Variants in DMRT1 observed in about 807,000 individuals in gnomAD.
DMRT1 encodes the protein doublesex and mab-3 related transcription factor 1.
A neutral mutation model predicts 32.3 loss-of-function variants in DMRT1; 7 were observed. The ratio of observed to expected loss-of-function variants is 0.22; its 90% CI spans 0.12 to 0.41. DMRT1 has a LOEUF of 0.41. DMRT1 is among the 10% of genes least tolerant of loss of function. DMRT1 has a pLI of 1.00. For missense variants in DMRT1, 625 were observed against 500.5 expected (o/e 1.25, Z -2.37); for synonymous variants, 278 against 206.1 (o/e 1.35, Z -2.99).
intron 2 of DMRT1, among the ~76,000 whole-genome samples, chr9:855,161 A>G (rs963727641): frequency 1.3e-5 from 2 of 152,044 alleles, no homozygotes; most frequent in Admixed American, 1.3e-4. Context: ...ATAGCAGTTT[A>G]ATTGGTCAGA....
At chr9:924,427 C>A (rs904556811) in intron 4 of DMRT1, among the ~76,000 whole-genome samples, 2 of 152,144 alleles carry the variant, frequency 1.3e-5, no homozygotes. Flanking sequence ...AATAATAACA[C>A]ATGTATCTAT....
chr9:888,964 T>TAA (rs60836064), intron 2 of DMRT1, among the ~76,000 whole-genome samples: 8 of 137,038 alleles, frequency 5.8e-5, no homozygotes, highest in African/African-American at 1.9e-4. Context: ...CCATCTGTAT[T>TAA]AAAAAAAAAA....
At chr9:949,364 C>CTTG (rs35845048) in intron 4 of DMRT1, among the ~76,000 whole-genome samples, 2 of 151,152 alleles carry the variant, frequency 1.3e-5, no homozygotes, top group South Asian at 2.1e-4. Flanking sequence ...GACCCTCTCT[C>CTTG]GGGGAAAAAA....
chr9:966,604 C>T (rs78595246), intron 4 of DMRT1, among the ~76,000 whole-genome samples: 3,747 of 152,254 alleles, frequency 0.025, 146 homozygotes, highest in African/African-American at 0.085. Flanking sequence ...AGAAGGGGGC[C>T]TTCTGAAAGA....
rs997063118 is a variant in DMRT1, at chr9:965,022, A to G, written c.968-2963A>G. Reference sequence around the variant, plus strand: ...GCATCATTTAGATTTTTGAATTTTTAATTGGTATGAAATAATTTACAACGG... The same window carrying G: ...GCATCATTTAGATTTTTGAATTTTTGATTGGTATGAAATAATTTACAACGG... On this transcript the variant is annotated intron_variant, in intron 4 of 4. Transcript: ENST00000382276. This position sits in a 1 kb window ranked among gnomAD's most constrained non-coding sequence, Gnocchi z 4.5. Among the ~76,000 whole-genome samples, 2 of 152,186 alleles carry G rather than the reference A, an allele frequency of 1.3e-5. No homozygotes were observed. Among genetic ancestry groups the G allele is most frequent in the African/African-American group, 2.4e-5 (1 of 41,438 alleles).
chr9:929,683 C>T (rs1258937393), intron 4 of DMRT1, among the ~76,000 whole-genome samples: 1 of 152,104 alleles, frequency 6.6e-6, no homozygotes, highest in African/African-American at 2.4e-5. Flanking sequence ...GAAATTTATA[C>T]TTTTCATGCA....
chr9:911,013 G>T (rs1817955475), intron 3 of DMRT1, among the ~76,000 whole-genome samples: 1 of 152,094 alleles, frequency 6.6e-6, no homozygotes, highest in South Asian at 2.1e-4. Flanking sequence ...TGCCGCTCTT[G>T]TCCCTCAGCA....
At chr9:947,584 C>T (rs1010898358) in intron 4 of DMRT1, among the ~76,000 whole-genome samples, 2 of 152,156 alleles carry the variant, frequency 1.3e-5, no homozygotes, top group African/African-American at 2.4e-5. Context: ...AATTTAAATT[C>T]TGGAAGTTGG....
intron 2 of DMRT1, among the ~76,000 whole-genome samples, chr9:862,820 G>C (rs534598230): frequency 6.6e-6 from 1 of 152,248 alleles, no homozygotes; most frequent in Non-Finnish European, 1.5e-5. Context: ...TTCCTAGTTA[G>C]GTGAGGTTAT....
intron 4 of DMRT1, among the ~76,000 whole-genome samples, chr9:923,563 C>T (rs925513942): frequency 6.6e-6 from 1 of 152,152 alleles, no homozygotes; most frequent in African/African-American, 2.4e-5. Context: ...TCATGACTTT[C>T]CCCCATTTTT....
At chr9:922,585 G>A (rs1407606809) in intron 4 of DMRT1, among the ~76,000 whole-genome samples, 1 of 152,158 alleles carries the variant, frequency 6.6e-6, no homozygotes, top group Non-Finnish European at 1.5e-5. Flanking sequence ...GTGGTTGGTC[G>A]ACACCTGCAA....
At position 841,966 on chromosome 9, in the gene DMRT1, G is replaced by C; in HGVS notation, c.128G>C (p.Ser43Thr). The C allele has an allele frequency of 1.9e-6, 3 of 1,586,934 alleles. No individual in the cohort carries two copies. Among genetic ancestry groups the C allele is most frequent in the Non-Finnish European group, 2.6e-6 (3 of 1,167,388 alleles). Residue 43 changes from serine to threonine, a missense_variant, in exon 1 of 5, where the codon AGC (serine) becomes ACC (threonine). Physicochemically the swap from Ser to Thr is moderately conservative, Grantham distance 58. This residue lies in a region of DMRT1 where 201 missense variants were observed against 152.0 expected (regional missense o/e 1.32). Coordinates refer to ENST00000382276, the MANE Select transcript of DMRT1 (RefSeq NM_021951.3). ...TCTGGGGCGCTAGTGGGGGCGGCCA[G>C]CGGCTCGAGCGCCGGGGGCAGCAGC... ...KASGALVGAA[S>T]GSSAGGSSRG... is the part of the protein sequence containing the mutation.
In DMRT1 at chr9:853,944, C is replaced by T. The variant is rs139272405; in HGVS notation, c.538+6801C>T. Among the ~76,000 whole-genome samples the T allele has an allele frequency of 1.0e-3, 158 of 151,950 alleles. 2 individuals carry two copies. Among genetic ancestry groups the T allele is most frequent in the African/African-American group, 3.5e-3 (143 of 41,440 alleles). On this transcript the variant is annotated intron_variant, in intron 2 of 4. Coordinates refer to ENST00000382276, the MANE Select transcript of DMRT1 (RefSeq NM_021951.3). ...CCGAGCAGTTAGGACTACAGGTGCA[C>T]GCTATCATGCCTGGCTAATTTTTAA...
intron 2 of DMRT1, among the ~76,000 whole-genome samples, chr9:852,276 C>T (rs1815177028): frequency 7.8e-6 from 1 of 128,828 alleles, no homozygotes; most frequent in Admixed American, 8.3e-5. Flanking sequence ...TATTCCCAGC[C>T]ATTTTTGGAG....
chr9:876,727 C>T (rs570494358), intron 2 of DMRT1, among the ~76,000 whole-genome samples: 49 of 152,194 alleles, frequency 3.2e-4, no homozygotes, highest in Middle Eastern at 6.8e-3. Flanking sequence ...GATGGGGTCT[C>T]GCCATGTTGC....
chr9:841,942 C>G lies in DMRT1; in HGVS notation c.104C>G (p.Ser35Cys), dbSNP rs749346905. The stretch of plus-strand genomic sequence containing the variant: ...AGAGCCGGGGGCTTTGGCAAAGCGT[C>G]TGGGGCGCTAGTGGGGGCGGCCAGC... ...QGRAGGFGKASGALVGAASGS... is the reference protein window; with the variant it reads ...QGRAGGFGKACGALVGAASGS... Residue 35 changes from serine (S) to cysteine (C), a missense_variant, in exon 1 of 5, where the codon TCT (serine) becomes TGT (cysteine). By Grantham distance (112) the Ser-to-Cys change is moderately radical. Around this residue, in one of 3 missense-constraint regions of DMRT1, gnomAD observed 201 missense variants for 152.0 expected, o/e 1.32. Transcript: ENST00000382276. 1 of 1,602,804 alleles carries G rather than the reference C, an allele frequency of 6.2e-7. No homozygotes were observed. Among genetic ancestry groups the G allele is most frequent in the East Asian group, 2.2e-5 (1 of 44,542 alleles).
At chr9:875,109 C>G (rs752812325) in intron 2 of DMRT1, among the ~76,000 whole-genome samples, 13 of 152,140 alleles carry the variant, frequency 8.5e-5, no homozygotes, top group Non-Finnish European at 1.6e-4. Flanking sequence ...CGCGCCCGGC[C>G]AACACTTAAT....
At chr9:843,840 G>T (rs551708013) in intron 1 of DMRT1, among the ~76,000 whole-genome samples, 3 of 152,118 alleles carry the variant, frequency 2.0e-5, no homozygotes, top group Non-Finnish European at 4.4e-5. Context: ...TATACTAAAC[G>T]TATTTTGGCT....
chr9:858,356 C>G (rs534268517), intron 2 of DMRT1, among the ~76,000 whole-genome samples: 3 of 152,256 alleles, frequency 2.0e-5, no homozygotes, highest in African/African-American at 4.8e-5. Context: ...CAAAGGTCAT[C>G]TGTGTCATCA....
Sources: allele counts gnomAD v4.1 joint callset (sites outside exome capture counted in the v4.1 genomes callset), GRCh38; gene constraint gnomAD v4.1.1; regional missense constraint gnomAD v4.1.1; non-coding constraint Gnocchi (gnomAD v3.1); transcripts MANE v1.5; gene names NCBI Gene and HGNC (gene_info 2026-07-23, HGNC 2026-07-21).